GABRG3: variants seen among roughly 807,000 people sequenced by gnomAD.
GABRG3 encodes gamma-aminobutyric acid receptor subunit gamma-3.
In GABRG3, 25 loss-of-function variants were observed where a neutral mutation model predicts 48.8. The observed-to-expected ratio is 0.51, with a 90% CI of 0.37 to 0.72. The LOEUF is 0.72. GABRG3 is among the 30% of genes least tolerant of loss of function. The pLI, the probability that GABRG3 is intolerant of heterozygous loss-of-function variation, is 0.00. For missense variants in GABRG3, 394 were observed against 577.9 expected (o/e 0.68, Z 3.26); for synonymous variants, 227 against 217.6 (o/e 1.04, Z -0.38).
At chr15:27,075,785 G>C (rs559353801) in intron 3 of GABRG3, among the ~76,000 whole-genome samples, 11 of 152,312 alleles carry the variant, frequency 7.2e-5, no homozygotes, top group African/African-American at 1.9e-4. Flanking sequence ...GCTCCCTGGT[G>C]GGGGTGAGAC....
At chr15:27,054,340 G>A (rs1017244911) in intron 3 of GABRG3, among the ~76,000 whole-genome samples, 15 of 152,066 alleles carry the variant, frequency 9.9e-5, no homozygotes, top group African/African-American at 3.4e-4. Context: ...AGATGGGACC[G>A]ATCAAAGCCC....
chr15:27,287,178 A>G (rs911274064), intron 3 of GABRG3, among the ~76,000 whole-genome samples: 1 of 152,120 alleles, frequency 6.6e-6, no homozygotes, highest in African/African-American at 2.4e-5. Flanking sequence ...TTCTGTGTAT[A>G]TTTTGCACCC....
intron 3 of GABRG3, among the ~76,000 whole-genome samples, chr15:27,168,636 C>A (rs1289068985): frequency 1.3e-5 from 2 of 152,104 alleles, no homozygotes; most frequent in Non-Finnish European, 2.9e-5. Context: ...CAGTGGGGAG[C>A]CTTCGTGAAT....
rs1044824900 is a variant in GABRG3, at chr15:26,976,523, C to T, written c.54-479C>T. 1.3e-5 allele frequency among the ~76,000 whole-genome samples: 2 copies of T among 152,234 alleles called. No homozygotes were observed. The highest frequency in any genetic ancestry group is 2.4e-5 in the African/African-American group (1 of 41,550). ...CCTCCAAGAGAAGCACTGAGTCAGACTCAACTATTTTGAATGAGTCCACTC... is the reference window on the plus strand; with the variant it reads ...CCTCCAAGAGAAGCACTGAGTCAGATTCAACTATTTTGAATGAGTCCACTC... On this transcript the variant is annotated intron_variant, in intron 1 of 9. Transcript: ENST00000615808. This position sits in a 1 kb window ranked among gnomAD's most constrained non-coding sequence, Gnocchi z 7.8.
At chr15:27,442,830 C>T (rs1035889208) in intron 5 of GABRG3, among the ~76,000 whole-genome samples, 1 of 152,168 alleles carries the variant, frequency 6.6e-6, no homozygotes, top group Admixed American at 6.5e-5. Flanking sequence ...TCCATACATA[C>T]AATCATTTTC....
chr15:27,085,668 AC>A (rs1897063283), intron 3 of GABRG3, among the ~76,000 whole-genome samples: 1 of 152,154 alleles, frequency 6.6e-6, no homozygotes. Context: ...TCAATAACAA[AC>A]TTTTTTTTGT....
intron 3 of GABRG3, among the ~76,000 whole-genome samples, chr15:27,248,624 G>A (rs767020336): frequency 6.6e-6 from 1 of 152,114 alleles, no homozygotes; most frequent in South Asian, 2.1e-4. Flanking sequence ...TACCTGCCCT[G>A]TACTGCCCAC....
chr15:27,014,239 G>A (rs1341883330), intron 2 of GABRG3, among the ~76,000 whole-genome samples: 3 of 151,424 alleles, frequency 2.0e-5, no homozygotes, highest in Admixed American at 6.6e-5. Context: ...TGATCTTTTC[G>A]AAGAATCAGC....
intron 3 of GABRG3, among the ~76,000 whole-genome samples, chr15:27,268,472 C>G (rs1890987401): frequency 2.0e-5 from 3 of 149,438 alleles, no homozygotes; most frequent in Non-Finnish European, 1.5e-5. Context: ...CTCAAATAAC[C>G]AGCTTTTAGT....
At chr15:27,386,032 C>G (rs1172954578) in intron 5 of GABRG3, among the ~76,000 whole-genome samples, 2 of 152,112 alleles carry the variant, frequency 1.3e-5, no homozygotes, top group Non-Finnish European at 1.5e-5. Context: ...TGTGTTATTG[C>G]AATGTTTTGT....
In GABRG3 at chr15:27,347,202, T is replaced by G. The variant is rs190838662; in HGVS notation, c.574+18314T>G. 7.1e-4 allele frequency among the ~76,000 whole-genome samples: 108 copies of G among 152,332 alleles called. 2 individuals carry two copies. In the Middle Eastern group the frequency reaches 0.017, roughly 24 times the overall value. ...TTTGGGCTTCCCTAGGTACTTCTCC[T>G]CACATAGAGTCTGCATCTTGCAGTG... On this transcript the variant is annotated intron_variant, in intron 5 of 9. Transcript: ENST00000615808.
At chr15:26,979,878 C>T (rs542802823) in intron 2 of GABRG3, among the ~76,000 whole-genome samples, 65 of 152,256 alleles carry the variant, frequency 4.3e-4, no homozygotes, top group African/African-American at 1.4e-3. Context: ...GACGTACTCC[C>T]TCATCTTCTG....
intron 5 of GABRG3, among the ~76,000 whole-genome samples, chr15:27,361,453 A>G (rs1488050045): frequency 1.3e-5 from 2 of 152,202 alleles, no homozygotes; most frequent in African/African-American, 2.4e-5. Flanking sequence ...CTCAAACAGC[A>G]TTCTATTCCA....
chr15:27,521,328 C>T (rs1017002527), intron 7 of GABRG3, among the ~76,000 whole-genome samples: 3 of 151,960 alleles, frequency 2.0e-5, no homozygotes, highest in African/African-American at 7.2e-5. Context: ...AAAGGGGGTA[C>T]CCTAGACGTC....
At chr15:27,221,120 T>TG (rs1240873019) in intron 3 of GABRG3, among the ~76,000 whole-genome samples, 1 of 152,132 alleles carries the variant, frequency 6.6e-6, no homozygotes, top group African/African-American at 2.4e-5. Context: ...TCTAACTAGA[T>TG]GGGGCATTTT....
chr15:27,253,268 T>C (rs1194846529), intron 3 of GABRG3, among the ~76,000 whole-genome samples: 2 of 152,140 alleles, frequency 1.3e-5, no homozygotes, highest in Non-Finnish European at 2.9e-5. Context: ...AGGGAATGGA[T>C]TGACTCATGC....
intron 6 of GABRG3, 24 bp downstream of exon 6, chr15:27,480,811 C>T (rs756176068): frequency 6.2e-7 from 1 of 1,612,150 alleles, no homozygotes; most frequent in Admixed American, 1.7e-5. Context: ...GAAAGAGGCA[C>T]AGCTCTCAAA....
chr15:27,398,386 C>A (rs567712354), intron 5 of GABRG3, among the ~76,000 whole-genome samples: 1 of 152,012 alleles, frequency 6.6e-6, no homozygotes. Flanking sequence ...TACTCTCATG[C>A]GACATATTGT....
intron 3 of GABRG3, among the ~76,000 whole-genome samples, chr15:27,221,529 G>A (rs1427113137): frequency 6.6e-6 from 1 of 152,134 alleles, no homozygotes; most frequent in Non-Finnish European, 1.5e-5. Flanking sequence ...CCTGTTTAAA[G>A]TGATGCCATT....
Sources: gnomAD v4.1 joint callset for allele counts (sites outside exome capture counted in the v4.1 genomes callset) on GRCh38, gnomAD v4.1.1 for gene constraint, Gnocchi (gnomAD v3.1) non-coding constraint, MANE v1.5 for transcripts, NCBI Gene and HGNC (gene_info 2026-07-23, HGNC 2026-07-21) for gene names.